Variants in ZNF765 observed in about 807,000 individuals in gnomAD.
ZNF765 encodes the protein zinc finger protein 765.
Under a neutral mutation model 44.7 loss-of-function variants are expected in ZNF765, and 37 were observed. The observed-to-expected ratio is 0.83, with a 90% CI of 0.64 to 1.09. The LOEUF (loss-of-function observed/expected upper bound fraction) is 1.09, where lower values mean the gene tolerates loss of function less well. Among genes scored for constraint, ZNF765 ranks in the 50% least tolerant of loss-of-function variants. The pLI is 0.00. For missense variants in ZNF765, 594 were observed against 626.1 expected (o/e 0.95, Z 0.55); for synonymous variants, 201 against 213.7 (o/e 0.94, Z 0.52).
chr19:53,399,179 C>T (rs535238807), intron 2 of ZNF765, among the ~76,000 whole-genome samples: 53 of 151,014 alleles, frequency 3.5e-4, no homozygotes, highest in African/African-American at 1.2e-3. Flanking sequence ...TGGTGTGCTG[C>T]ACCCATTAAC....
chr19:53,413,909 TAAAC>T (rs1413741258), downstream of ZNF765, among the ~76,000 whole-genome samples: 13 of 83,956 alleles, frequency 1.5e-4, no homozygotes, highest in Admixed American at 1.7e-3. Flanking sequence ...ATTTTATTCT[TAAAC>T]AAGATAGCTA....
At chr19:53,417,300 G>C (rs2085880913) in intron 3 of ZNF765, among the ~76,000 whole-genome samples, 1 of 151,990 alleles carries the variant, frequency 6.6e-6, no homozygotes, top group Non-Finnish European at 1.5e-5. Flanking sequence ...CCCTCCAATA[G>C]GCCCCAGTGT....
intron 2 of ZNF765, among the ~76,000 whole-genome samples, chr19:53,401,450 C>T (rs2085724865): frequency 6.6e-6 from 1 of 152,012 alleles, no homozygotes; most frequent in African/African-American, 2.4e-5. Context: ...GTAGTCCCAG[C>T]TACTCGGGAG....
downstream of ZNF765, among the ~76,000 whole-genome samples, chr19:53,414,511 G>C (rs2085863169): frequency 2.0e-5 from 1 of 49,036 alleles, no homozygotes; most frequent in African/African-American, 8.0e-5. Context: ...CCCCCCCCCG[G>C]GGAAAAGCCC....
At chr19:53,406,245 A>G (rs990416268) in intron 3 of ZNF765, among the ~76,000 whole-genome samples, 2 of 150,920 alleles carry the variant, frequency 1.3e-5, no homozygotes, top group Non-Finnish European at 3.0e-5. Context: ...TGGCCAGGCT[A>G]CTCTTGAACT....
In ZNF765 at chr19:53,403,852, A is replaced by C. The variant is rs201305651; in HGVS notation, c.142+1661A>C. ...ACGAGACTCTGTCTCAAAAAAAAAA[A>C]AACAACAACAACAAAATTCCATAAC... On this transcript the variant is annotated intron_variant, in intron 3 of 3. Coordinates refer to ENST00000396408, the MANE Select transcript of ZNF765 (RefSeq NM_001040185.3). Among the ~76,000 whole-genome samples, 187 of 150,910 alleles carry C rather than the reference A, an allele frequency of 1.2e-3. 1 individual carries two copies. Among genetic ancestry groups the C allele is most frequent in the South Asian group, 2.5e-3 (12 of 4,796 alleles).
downstream of ZNF765, among the ~76,000 whole-genome samples, chr19:53,416,404 T>C (rs189969974): frequency 2.8e-4 from 43 of 152,124 alleles, no homozygotes; most frequent in African/African-American, 9.4e-4. Context: ...AAACTCAGTC[T>C]CAAAAAATAA....
At chr19:53,426,901 C>G (rs1308400315) in exon 4 of ZNF765, 1 of 151,138 alleles carries the variant, frequency 6.6e-6, no homozygotes, top group Non-Finnish European at 1.5e-5. Context: ...ATCGTTCCCA[C>G]GGACCATGCT....
intron 3 of ZNF765, among the ~76,000 whole-genome samples, chr19:53,405,394 G>A (rs1160375178): frequency 6.6e-6 from 1 of 152,108 alleles, no homozygotes; most frequent in Non-Finnish European, 1.5e-5. Context: ...ATGGGTGATA[G>A]TATGTGACTC....
At chr19:53,400,387 T>C (rs994384235) in intron 2 of ZNF765, among the ~76,000 whole-genome samples, 1 of 152,084 alleles carries the variant, frequency 6.6e-6, no homozygotes, top group African/African-American at 2.4e-5. Context: ...CCCGCGTTAC[T>C]ACAGATATCT....
intron 3 of ZNF765, among the ~76,000 whole-genome samples, chr19:53,418,679 G>A (rs2085889375): frequency 6.6e-6 from 1 of 152,024 alleles, no homozygotes; most frequent in African/African-American, 2.4e-5. Flanking sequence ...GGGGGGGGCG[G>A]TGGATCACCT....
At position 53,409,955 on chromosome 19, in the gene ZNF765, A is replaced by G. The variant is rs1468344246; in HGVS notation, c.*828A>G. On this transcript the variant is annotated 3_prime_UTR_variant, in exon 4 of 4. Coordinates refer to ENST00000396408, the MANE Select transcript of ZNF765 (RefSeq NM_001040185.3). ...TCACCAAGTCTTGAGTAATGCTACAACTATTGCAAATCATTGGAGAATCCA... is the reference window on the plus strand; with the variant it reads ...TCACCAAGTCTTGAGTAATGCTACAGCTATTGCAAATCATTGGAGAATCCA... The G allele has an allele frequency of 1.2e-5, 7 of 572,022 alleles. No individual in the cohort carries two copies. Among genetic ancestry groups the G allele is most frequent in the Non-Finnish European group, 2.1e-5 (6 of 291,896 alleles). The allele number at this position is 572,022 out of a possible 1,614,324, so 35.4% of individuals were successfully genotyped here.
chr19:53,397,825 G>T, intron 1 of ZNF765, 118 bp from the exon 2 acceptor site: 1 of 1,048,464 alleles, frequency 9.5e-7, no homozygotes, highest in Non-Finnish European at 1.3e-6. Context: ...CCCTGGTGTG[G>T]TCGGCAGCAT....
At chr19:53,415,934 C>T (rs2085872168), downstream of ZNF765, among the ~76,000 whole-genome samples, 1 of 140,760 alleles carries the variant, frequency 7.1e-6, no homozygotes, top group Non-Finnish European at 1.5e-5. Flanking sequence ...TCCAAGATAA[C>T]TTTCTTTTGT....
At position 53,410,937 on chromosome 19, in the gene ZNF765, T is replaced by G. The variant is rs1033687172; in HGVS notation, c.*1810T>G. 1.4e-5 allele frequency: 6 copies of G among 419,086 alleles called. No homozygotes were observed. The highest frequency in any genetic ancestry group is 1.2e-4 in the African/African-American group (6 of 48,340). 26.0% of individuals were successfully genotyped at this position (419,086 alleles called of 1,614,324 possible). A position where few individuals can be genotyped will look rare whatever the true frequency, so the allele number is the denominator to read the frequency against. Reference sequence around the variant, plus strand: ...ACAGAAATCTTATAAATGTCATCAGTGTGCCAAAGTCTTCAGTCTGAGCTC... The same window carrying G: ...ACAGAAATCTTATAAATGTCATCAGGGTGCCAAAGTCTTCAGTCTGAGCTC... On this transcript the variant is annotated 3_prime_UTR_variant, in exon 4 of 4. Coordinates refer to ENST00000396408, the MANE Select transcript of ZNF765 (RefSeq NM_001040185.3).
At chr19:53,404,275 C>G (rs1294801989) in intron 3 of ZNF765, among the ~76,000 whole-genome samples, 2 of 151,872 alleles carry the variant, frequency 1.3e-5, no homozygotes, top group Non-Finnish European at 2.9e-5. Context: ...AGGCTTTCTC[C>G]TTTTTGGTCA....
rs182266238 is a variant in ZNF765, at chr19:53,399,809, A to G, written c.15+1779A>G. On this transcript the variant is annotated intron_variant, in intron 2 of 3. Transcript: ENST00000396408. ...GTGTTAAGTCCCGTACCCAATAGTTATTTTTTATTTATTTATTTTTTTGAG... is the reference window on the plus strand; with the variant it reads ...GTGTTAAGTCCCGTACCCAATAGTTGTTTTTTATTTATTTATTTTTTTGAG... 7.1e-4 allele frequency among the ~76,000 whole-genome samples: 108 copies of G among 151,966 alleles called. No homozygotes were observed. In the Middle Eastern group the frequency reaches 0.017, roughly 24 times the overall value.
intron 3 of ZNF765, among the ~76,000 whole-genome samples, chr19:53,402,857 AT>A (rs1428317501): frequency 6.6e-6 from 1 of 152,006 alleles, no homozygotes; most frequent in Admixed American, 6.6e-5. Flanking sequence ...CCCATACCTA[AT>A]TATTGGCTTT....
At position 53,411,371 on chromosome 19, in the gene ZNF765, C is replaced by T. The variant is rs1371896441; in HGVS notation, c.*2244C>T. The T allele has an allele frequency of 2.0e-5, 3 of 149,210 alleles. No homozygotes were observed. The highest frequency in any genetic ancestry group is 3.9e-4 in the East Asian group (2 of 5,082). 9.2% of individuals were successfully genotyped at this position (149,210 alleles called of 1,614,324 possible). A position where few individuals can be genotyped will look rare whatever the true frequency, so the allele number is the denominator to read the frequency against. On this transcript the variant is annotated 3_prime_UTR_variant, in exon 4 of 4. Transcript: ENST00000396408. ...GCAATGGAGCGATCCCAGCTCACTA[C>T]AACCTCCGCCTCCCAGGTTCAAGCA...
Sources: allele counts gnomAD v4.1 joint callset (sites outside exome capture counted in the v4.1 genomes callset), GRCh38; gene constraint gnomAD v4.1.1; transcripts MANE v1.5; gene names NCBI Gene and HGNC (gene_info 2026-07-23, HGNC 2026-07-21).